DENND11: variants seen among roughly 807,000 people sequenced by gnomAD.
DENND11 encodes the protein DENN domain containing 11.
DENND11 carries 34 observed loss-of-function variants against 49.2 expected under a neutral mutation model. The ratio of observed to expected loss-of-function variants is 0.69; its 90% CI spans 0.53 to 0.92. The LOEUF is 0.92. Ranked by LOEUF, DENND11 falls within the 40% of genes least tolerant of loss-of-function variation. The pLI, the probability that DENND11 is intolerant of heterozygous loss-of-function variation, is 0.00. For missense variants in DENND11, 475 were observed against 581.6 expected (o/e 0.82, Z 1.88); for synonymous variants, 238 against 230.3 (o/e 1.03, Z -0.30).
intron 1 of DENND11, among the ~76,000 whole-genome samples, chr7:141,698,786 C>T (rs2117085625): frequency 6.6e-6 from 1 of 152,302 alleles, no homozygotes; most frequent in South Asian, 2.1e-4. Flanking sequence ...TCTTACTCTA[C>T]TACCTAATGA....
chr7:141,665,798 G>T (rs1181253298), intron 5 of DENND11, among the ~76,000 whole-genome samples: 3 of 151,804 alleles, frequency 2.0e-5, no homozygotes, highest in Non-Finnish European at 2.9e-5. Flanking sequence ...CAGCTCAAAC[G>T]CCCACAGGTC....
At chr7:141,685,039 T>TAC (rs1798215384) in intron 3 of DENND11, among the ~76,000 whole-genome samples, 1 of 121,756 alleles carries the variant, frequency 8.2e-6, no homozygotes, top group South Asian at 2.7e-4. Flanking sequence ...AATATATATA[T>TAC]ATATATATAT....
chr7:141,702,134 G>T lies in DENND11; in HGVS notation c.20C>A (p.Ala7Glu). 1.0e-6 allele frequency: 1 copy of T among 982,968 alleles called. No homozygotes were observed. The highest frequency in any genetic ancestry group is 1.2e-6 in the Non-Finnish European group (1 of 829,848). 60.9% of individuals were successfully genotyped at this position (982,968 alleles called of 1,614,324 possible). A position where few individuals can be genotyped will look rare whatever the true frequency, so the allele number is the denominator to read the frequency against. The change falls in exon 1 of 9, where the codon GCG (alanine) becomes GAG (glutamate). Residue 7 changes from alanine to glutamate, a missense_variant. Physicochemically the swap from Ala to Glu is moderately radical, Grantham distance 107. Coordinates refer to ENST00000536163, the MANE Select transcript of DENND11 (RefSeq NM_001080392.2). ...CTCGGCCCAGCGCAGCAGCGGCGCC[G>T]CGTCTCCCTGCTCCACCATGGCTAG... MVEQGD[A>E]APLLRWAEGP...
chr7:141,686,633 A>G lies in DENND11; in HGVS notation c.294T>C (p.Pro98=). ...CAACACCTTCAAGGTCAATATCTTG[A>G]GGTAAGCACCATTCTACCATGTTTC... ...RSGNMVEWCL[P]QDIDLEGVEF... The change falls in exon 2 of 9, where the codon CCT becomes CCC. Residue 98 remains proline (P), a synonymous_variant. Coordinates refer to ENST00000536163, the MANE Select transcript of DENND11 (RefSeq NM_001080392.2). 6.2e-7 allele frequency: 1 copy of G among 1,612,792 alleles called. No individual in the cohort carries two copies.
chr7:141,685,849 G>A (rs1798234371), intron 2 of DENND11, among the ~76,000 whole-genome samples: 1 of 152,146 alleles, frequency 6.6e-6, no homozygotes. Flanking sequence ...GACTTAGTCC[G>A]TGGCAAGCCT....
At chr7:141,676,502 T>C (rs1286283622) in intron 3 of DENND11, among the ~76,000 whole-genome samples, 1 of 152,222 alleles carries the variant, frequency 6.6e-6, no homozygotes, top group Non-Finnish European at 1.5e-5. Context: ...AGAACTAATA[T>C]GAGGATTCTG....
rs1340992475 is a variant in DENND11, at chr7:141,701,305, G to A, written c.268+581C>T. On this transcript the variant is annotated intron_variant, in intron 1 of 8. Transcript: ENST00000536163. ...AATTCCTCAAAATAATGCAGTCAGA[G>A]AAAGTGAACTTGGCCGCTAGGAAAG... 3.3e-5 allele frequency among the ~76,000 whole-genome samples: 5 copies of A among 151,568 alleles called. No individual in the cohort carries two copies. The East Asian group carries it at 9.8e-4, about 30-fold the overall frequency.
chr7:141,664,373 G>T, intron 7 of DENND11, 133 bp from the exon 8 acceptor site: 2 of 662,458 alleles, frequency 3.0e-6, no homozygotes, highest in Admixed American at 4.7e-5. Context: ...GATCAACAGG[G>T]TTTGGACTCA....
intron 1 of DENND11, among the ~76,000 whole-genome samples, chr7:141,695,783 ATC>A (rs1300453600): frequency 6.6e-6 from 1 of 152,138 alleles, no homozygotes; most frequent in African/African-American, 2.4e-5. Context: ...CTCTCTTTCC[ATC>A]TCTGTGTCCT....
In DENND11 at chr7:141,662,885, C is replaced by CGGGGGG. The variant is rs199714614; in HGVS notation, c.1173-40_1173-35dup. ...GGAAGACAAGACACAGGAAAGGAAG[C>CGGGGGG]GGGGGGGAATAAAAAGCTCACCAGA... is the stretch of plus-strand genomic sequence containing the variant. On this transcript the variant is annotated intron_variant, in intron 8 of 8. Coordinates refer to ENST00000536163, the MANE Select transcript of DENND11 (RefSeq NM_001080392.2). The CGGGGGG allele has an allele frequency of 3.1e-5, 45 of 1,466,870 alleles. 1 individual carries two copies. In the African/African-American group the frequency reaches 6.4e-4, roughly 21 times the overall value. 90.9% of individuals were successfully genotyped at this position (1,466,870 alleles called of 1,614,324 possible).
chr7:141,665,238 C>T lies in DENND11; in HGVS notation c.901G>A (p.Val301Met), dbSNP rs771775238. Residue 301 changes from valine to methionine, a missense_variant, in exon 6 of 9, where the codon GTG becomes ATG. Transcript: ENST00000536163. ...AGGCTCTCGATGTCAGCCACGTTCA[C>T]GTAGAAGAAAGGTTTGGACTCAGGA... is the stretch of plus-strand genomic sequence containing the variant. The part of the protein sequence containing the change: ...TIPESKPFFY[V>M]NVADIESLEV... 9.3e-6 allele frequency: 15 copies of T among 1,613,558 alleles called. No individual in the cohort carries two copies. The highest frequency in any genetic ancestry group is 2.2e-5 in the South Asian group (2 of 90,912).
intron 5 of DENND11, 125 bp downstream of exon 5, chr7:141,666,162 C>G: frequency 9.5e-7 from 1 of 1,049,186 alleles, no homozygotes; most frequent in South Asian, 2.1e-5. Flanking sequence ...AGTTCACTCC[C>G]GGGCTTAAAA....
chr7:141,665,972 C>G, intron 5 of DENND11, among the ~76,000 whole-genome samples: 1 of 151,574 alleles, frequency 6.6e-6, no homozygotes, highest in Non-Finnish European at 1.5e-5. Flanking sequence ...TCTGCTTCCA[C>G]TGCAACCTCA....
chr7:141,671,154 G>A (rs1287004921), intron 4 of DENND11, among the ~76,000 whole-genome samples: 2 of 152,022 alleles, frequency 1.3e-5, no homozygotes, highest in African/African-American at 4.8e-5. Context: ...GAGGAGTAAG[G>A]TTGCTGAAAC....
At chr7:141,699,558 A>C (rs934988508) in intron 1 of DENND11, among the ~76,000 whole-genome samples, 24 of 152,158 alleles carry the variant, frequency 1.6e-4, no homozygotes, top group Admixed American at 1.3e-4. Context: ...AAAAAACACA[A>C]AAAAAACACA....
At chr7:141,693,166 A>G (rs1314454271) in intron 1 of DENND11, among the ~76,000 whole-genome samples, 2 of 152,274 alleles carry the variant, frequency 1.3e-5, no homozygotes, top group Non-Finnish European at 2.9e-5. Context: ...ACTCAACAAT[A>G]AGAAAACAAT....
At chr7:141,673,243 T>TAAA (rs1204503926) in intron 4 of DENND11, among the ~76,000 whole-genome samples, 1 of 137,228 alleles carries the variant, frequency 7.3e-6, no homozygotes, top group Non-Finnish European at 1.6e-5. Flanking sequence ...AAACAAGGAA[T>TAAA]AAAAAAAAAA....
chr7:141,700,568 T>C (rs913461373), intron 1 of DENND11, among the ~76,000 whole-genome samples: 2 of 152,062 alleles, frequency 1.3e-5, no homozygotes, highest in Non-Finnish European at 1.5e-5. Flanking sequence ...GTTACATAAG[T>C]ACTGTACGTG....
rs748822327 is a variant in DENND11, at chr7:141,674,067, C to T, written c.681G>A (p.Lys227=). ...GTAAGAAAAGCAGGGCTAACCTCACCTTCATCTCAGGGTACATGTATCGGT... is the reference window on the plus strand; with the variant it reads ...GTAAGAAAAGCAGGGCTAACCTCACTTTCATCTCAGGGTACATGTATCGGT... ...SIHRYMYPEM[K]ITHPAGCMSQ... is the part of the protein sequence containing the mutation. The change falls in exon 4 of 9, where the codon AAG becomes AAA. Residue 227 remains lysine, a splice_region_variant and synonymous_variant. Transcript: ENST00000536163. 3 of 1,605,214 alleles carry T rather than the reference C, an allele frequency of 1.9e-6. No homozygotes were observed. In the South Asian group the frequency reaches 3.4e-5, roughly 18 times the overall value.
Sources: gnomAD v4.1 joint callset for allele counts (sites outside exome capture counted in the v4.1 genomes callset) on GRCh38, gnomAD v4.1.1 for gene constraint, MANE v1.5 for transcripts, NCBI Gene and HGNC (gene_info 2026-07-23, HGNC 2026-07-21) for gene names.